Variants in PACRG observed in about 807,000 individuals in gnomAD.
PACRG encodes parkin coregulated.
A neutral mutation model predicts 29.7 loss-of-function variants in PACRG; 29 were observed. That is an observed-to-expected ratio of 0.98 (90% CI 0.73 to 1.33). PACRG has a LOEUF of 1.33. PACRG is among the 40% of genes most tolerant of loss of function. The probability of loss-of-function intolerance (pLI) is 0.00; values close to 1 mark genes in which losing one functional copy is unlikely to be tolerated. For missense variants in PACRG, 279 were observed against 316.2 expected (o/e 0.88, Z 0.89); for synonymous variants, 116 against 118.7 (o/e 0.98, Z 0.15).
chr6:162,793,762 T>C (rs1240716004), intron 1 of PACRG, among the ~76,000 whole-genome samples: 1 of 152,226 alleles, frequency 6.6e-6, no homozygotes, highest in Admixed American at 6.5e-5. Context: ...ACAAGACTTC[T>C]TCCTAGAAAT....
At chr6:163,207,101 C>T (rs1054810107) in intron 4 of PACRG, among the ~76,000 whole-genome samples, 4 of 152,094 alleles carry the variant, frequency 2.6e-5, no homozygotes, top group East Asian at 3.9e-4. Context: ...TTTTTAAATA[C>T]GCTTTGTAGA....
chr6:163,257,019 G>A (rs1400857006), intron 4 of PACRG, among the ~76,000 whole-genome samples: 1 of 151,946 alleles, frequency 6.6e-6, no homozygotes, highest in Non-Finnish European at 1.5e-5. Context: ...ATCTTCACGT[G>A]GTCTTTTCTT....
rs147109506 is a variant in PACRG, at chr6:163,055,686, T to C, written c.292-6464T>C. On this transcript the variant is annotated intron_variant, in intron 2 of 4. Coordinates refer to ENST00000366888, the MANE Select transcript of PACRG (RefSeq NM_001080379.2). This position sits in a 1 kb window ranked among gnomAD's most constrained non-coding sequence, Gnocchi z 4.0. ...TATTTTTTCTTTGGCATTTTTATCA[T>C]TGTAAAATACACATAAAACTTACCA... Among the ~76,000 whole-genome samples, 659 of 152,346 alleles carry C rather than the reference T, an allele frequency of 4.3e-3. 5 individuals carry two copies. The highest frequency in any genetic ancestry group is 0.015 in the African/African-American group (632 of 41,568).
intron 4 of PACRG, among the ~76,000 whole-genome samples, chr6:163,269,837 A>AAAAG (rs57405125): frequency 0.13 from 4,455 of 34,740 alleles, 982 homozygotes; most frequent in Middle Eastern, 0.29. Context: ...GAAAGAAAGA[A>AAAAG]AAAGAAAGAA....
intron 4 of PACRG, among the ~76,000 whole-genome samples, chr6:163,125,046 G>A (rs374750443): frequency 4.6e-5 from 7 of 152,258 alleles, no homozygotes; most frequent in South Asian, 2.1e-4. Flanking sequence ...ATTGTGCAAC[G>A]GAAGGATAAG....
At chr6:163,274,744 T>C (rs1298269992) in intron 4 of PACRG, among the ~76,000 whole-genome samples, 3 of 152,254 alleles carry the variant, frequency 2.0e-5, no homozygotes, top group Non-Finnish European at 4.4e-5. Context: ...CTATTCGTTC[T>C]ATAATTTGGG....
At chr6:162,980,190 GCA>G (rs57784208) in intron 2 of PACRG, among the ~76,000 whole-genome samples, 7 of 141,076 alleles carry the variant, frequency 5.0e-5, no homozygotes, top group African/African-American at 1.1e-4. Context: ...ACACACACAC[GCA>G]CACACACACA....
At chr6:163,068,481 G>T in intron 3 of PACRG, among the ~76,000 whole-genome samples, 1 of 122,264 alleles carries the variant, frequency 8.2e-6, no homozygotes, top group African/African-American at 4.3e-5. Flanking sequence ...ATACTTTAAT[G>T]CTTTTTTTTT....
chr6:163,251,531 A>C (rs1231379009), intron 4 of PACRG, among the ~76,000 whole-genome samples: 1 of 152,092 alleles, frequency 6.6e-6, no homozygotes, highest in Non-Finnish European at 1.5e-5. Context: ...TGGGGTCCTG[A>C]TTTTTAGCTA....
chr6:162,967,733 TC>T (rs1436709915), intron 2 of PACRG, among the ~76,000 whole-genome samples: 1 of 152,148 alleles, frequency 6.6e-6, no homozygotes, highest in Admixed American at 6.5e-5. Flanking sequence ...GGTCTCAATC[TC>T]CTGACCTCAT....
At chr6:162,785,591 T>TGGG (rs1784406736) in intron 1 of PACRG, among the ~76,000 whole-genome samples, 39 of 139,750 alleles carry the variant, frequency 2.8e-4, no homozygotes, top group African/African-American at 3.4e-4. Flanking sequence ...GTGCGGGGGT[T>TGGG]GGGGGAGGAT....
At chr6:163,239,758 ACACT>A (rs1297903158) in intron 4 of PACRG, among the ~76,000 whole-genome samples, 6 of 144,578 alleles carry the variant, frequency 4.2e-5, no homozygotes, top group Non-Finnish European at 7.6e-5. Flanking sequence ...ACATGCACAC[ACACT>A]CACACCTCCA....
intron 4 of PACRG, among the ~76,000 whole-genome samples, chr6:163,098,640 C>T (rs544497669): frequency 2.0e-5 from 3 of 152,138 alleles, no homozygotes; most frequent in African/African-American, 7.2e-5. Context: ...CCAAAGAGAG[C>T]ATTCTTGGAT....
intron 2 of PACRG, among the ~76,000 whole-genome samples, chr6:162,819,592 A>G (rs746432457): frequency 7.9e-5 from 12 of 152,298 alleles, no homozygotes; most frequent in South Asian, 2.1e-4. Flanking sequence ...ATAAGGCGAG[A>G]TCTTTGTCTG....
chr6:162,979,069 C>T (rs1802194255), intron 2 of PACRG, among the ~76,000 whole-genome samples: 1 of 152,152 alleles, frequency 6.6e-6, no homozygotes, highest in Non-Finnish European at 1.5e-5. Context: ...TATAGGTCCT[C>T]TTCTCATTGT....
intron 4 of PACRG, among the ~76,000 whole-genome samples, chr6:163,142,799 C>T (rs1777604058): frequency 6.6e-6 from 1 of 152,170 alleles, no homozygotes; most frequent in African/African-American, 2.4e-5. Flanking sequence ...CTGTGATATT[C>T]TCTCCATAAA....
chr6:162,904,276 C>T (rs559577550), intron 2 of PACRG, among the ~76,000 whole-genome samples: 1 of 152,362 alleles, frequency 6.6e-6, no homozygotes, highest in African/African-American at 2.4e-5. Context: ...AGCTGGGCAA[C>T]ATGGCGCAGC....
At chr6:163,254,426 G>A (rs964203536) in intron 4 of PACRG, among the ~76,000 whole-genome samples, 1 of 152,132 alleles carries the variant, frequency 6.6e-6, no homozygotes, top group African/African-American at 2.4e-5. Flanking sequence ...AATTCCACCC[G>A]AAAACAATCC....
chr6:163,246,817 C>T (rs1782716204), intron 4 of PACRG, among the ~76,000 whole-genome samples: 1 of 152,072 alleles, frequency 6.6e-6, no homozygotes, highest in South Asian at 2.1e-4. Context: ...GAAAAAAATA[C>T]AGGAGAAAAG....
Sources: allele counts gnomAD v4.1 joint callset (sites outside exome capture counted in the v4.1 genomes callset), GRCh38; gene constraint gnomAD v4.1.1; non-coding constraint Gnocchi (gnomAD v3.1); transcripts MANE v1.5; gene names NCBI Gene and HGNC (gene_info 2026-07-23, HGNC 2026-07-21).